The following EIPR1 variants were observed in gnomAD, a reference collection of about 807,000 sequenced individuals.
The protein encoded by EIPR1 is EARP complex and GARP complex interacting protein 1.
EIPR1 carries 25 observed loss-of-function variants against 48.1 expected under a neutral mutation model. The observed-to-expected ratio is 0.52, with a 90% CI of 0.38 to 0.73. The LOEUF (loss-of-function observed/expected upper bound fraction) is 0.73. Among genes scored for constraint, EIPR1 ranks in the 30% least tolerant of loss-of-function variants. EIPR1 has a pLI of 0.00. For synonymous variants in EIPR1, 204 were observed against 201.9 expected (o/e 1.01, Z -0.09); for missense variants, 415 against 506.2 (o/e 0.82, Z 1.73).
intron 2 of EIPR1, among the ~76,000 whole-genome samples, chr2:3,339,863 T>G (rs895563200): frequency 6.6e-6 from 1 of 152,178 alleles, no homozygotes; most frequent in Non-Finnish European, 1.5e-5. Context: ...GGCAGGAGAA[T>G]GGCGTGAACC....
intron 4 of EIPR1, among the ~76,000 whole-genome samples, chr2:3,248,593 C>T (rs374063779): frequency 1.3e-5 from 2 of 151,328 alleles, no homozygotes; most frequent in Non-Finnish European, 2.9e-5. Context: ...GACTCCGTCT[C>T]GAAAAAGAAA....
At chr2:3,345,586 C>T (rs372398165) in intron 2 of EIPR1, among the ~76,000 whole-genome samples, 16 of 150,976 alleles carry the variant, frequency 1.1e-4, no homozygotes, top group East Asian at 9.7e-4. Context: ...GGTCACACCA[C>T]GGCACTCCAG....
At chr2:3,319,430 T>C (rs1419353822) in intron 3 of EIPR1, 1 of 171,260 alleles carries the variant, frequency 5.8e-6, no homozygotes, top group Admixed American at 5.7e-5. Flanking sequence ...GGAGCTGTCA[T>C]TGTCATCATC....
At chr2:3,261,397 C>A (rs1459013046) in intron 3 of EIPR1, among the ~76,000 whole-genome samples, 1 of 152,318 alleles carries the variant, frequency 6.6e-6, no homozygotes, top group Non-Finnish European at 1.5e-5. Flanking sequence ...ATCCCTTACC[C>A]AGATCCAGAT....
chr2:3,344,725 C>T (rs966218279), intron 2 of EIPR1, among the ~76,000 whole-genome samples: 1 of 145,954 alleles, frequency 6.9e-6, no homozygotes, highest in East Asian at 2.1e-4. Context: ...TCACTGCAAC[C>T]TCCACCTCCC....
chr2:3,336,893 G>C (rs1452224173), intron 3 of EIPR1, among the ~76,000 whole-genome samples: 1 of 81,556 alleles, frequency 1.2e-5, no homozygotes, highest in Non-Finnish European at 2.4e-5. Context: ...AAAAGGGAAG[G>C]GAAGGGAAAA....
At chr2:3,265,968 A>C (rs975324045) in intron 3 of EIPR1, among the ~76,000 whole-genome samples, 1 of 152,208 alleles carries the variant, frequency 6.6e-6, no homozygotes, top group Non-Finnish European at 1.5e-5. Context: ...ATTTGAAGCC[A>C]CTACCTACTT....
At chr2:3,320,909 T>C (rs1669506955) in intron 3 of EIPR1, among the ~76,000 whole-genome samples, 1 of 152,232 alleles carries the variant, frequency 6.6e-6, no homozygotes, top group Non-Finnish European at 1.5e-5. Context: ...ACTCTGTTTT[T>C]GTTAGTCTTA....
chr2:3,257,233 C>T, intron 4 of EIPR1, 66 bp downstream of exon 4: 1 of 1,538,854 alleles, frequency 6.5e-7, no homozygotes, highest in Admixed American at 1.9e-5. Context: ...AAGGAATCTG[C>T]ACAAGCTCCT....
At chr2:3,307,229 T>C (rs1196828501) in intron 3 of EIPR1, among the ~76,000 whole-genome samples, 2 of 152,194 alleles carry the variant, frequency 1.3e-5, no homozygotes, top group Non-Finnish European at 2.9e-5. Context: ...CCCAAAGTGC[T>C]GGGATTACAG....
chr2:3,220,229 C>T (rs1193245151), intron 4 of EIPR1, among the ~76,000 whole-genome samples: 1 of 152,228 alleles, frequency 6.6e-6, no homozygotes, highest in East Asian at 1.9e-4. Context: ...GGTATGCACA[C>T]ACACAATGGT....
At chr2:3,358,168 T>C (rs1670773932) in intron 1 of EIPR1, among the ~76,000 whole-genome samples, 1 of 152,198 alleles carries the variant, frequency 6.6e-6, no homozygotes, top group East Asian at 1.9e-4. Flanking sequence ...ACGTGTTCTT[T>C]CTGGTGTTTT....
At chr2:3,288,574 G>A (rs1668276030) in intron 3 of EIPR1, among the ~76,000 whole-genome samples, 1 of 152,190 alleles carries the variant, frequency 6.6e-6, no homozygotes, top group South Asian at 2.1e-4. Flanking sequence ...TGTCACTGTG[G>A]CCCTTACAGG....
rs1664518645 is a variant in EIPR1, at chr2:3,189,340, C to A, written c.1158G>T (p.Leu386=). Residue 386 remains leucine (L), a synonymous_variant, in exon 9 of 9, where the codon CTG becomes CTT. Coordinates refer to ENST00000382125, the MANE Select transcript of EIPR1 (RefSeq NM_003310.5). This position sits in a 1 kb window ranked among gnomAD's most constrained non-coding sequence, Gnocchi z 4.6. ...RVPRALKYHI[L]L ...GATAACCCAGGCCCGGGAGTCATAG[C>A]AGGATGTGGTACTTCAGGGCCCTGG... is the stretch of plus-strand genomic sequence containing the variant. 2 of 1,582,726 alleles carry A rather than the reference C, an allele frequency of 1.3e-6. No individual in the cohort carries two copies. The highest frequency in any genetic ancestry group is 8.6e-7 in the Non-Finnish European group (1 of 1,157,846).
At chr2:3,290,304 A>G (rs557690213) in intron 3 of EIPR1, among the ~76,000 whole-genome samples, 2 of 152,370 alleles carry the variant, frequency 1.3e-5, no homozygotes, top group East Asian at 3.9e-4. Context: ...TGTTATATGA[A>G]GTACACAAAA....
Position 3,323,565 on chromosome 2 carries a change from C to G in EIPR1, c.259+14452G>C, listed in dbSNP as rs148548500. 3.8e-3 allele frequency among the ~76,000 whole-genome samples: 582 copies of G among 152,344 alleles called. 1 individual carries two copies. The highest frequency in any genetic ancestry group is 6.8e-3 in the Middle Eastern group (2 of 294). ...ACGATGGACATGGGCCCTCAGCCAACGTTCGCCGTGTTGTCAGCCTCCATG... is the reference window on the plus strand; with the variant it reads ...ACGATGGACATGGGCCCTCAGCCAAGGTTCGCCGTGTTGTCAGCCTCCATG... On this transcript the variant is annotated intron_variant, in intron 3 of 8. Transcript: ENST00000382125.
rs889379337 is a variant in EIPR1 at position 3,293,676 on chromosome 2, G to A, written c.260-36221C>T. 7.2e-5 allele frequency among the ~76,000 whole-genome samples: 11 copies of A among 152,276 alleles called. No homozygotes were observed. The South Asian group carries it at 8.3e-4, about 11-fold the overall frequency. ...GGGTTTTCAGGAAAGGAATGGTCCC[G>A]ACAGCTGTTGGATGCAGGTGGCCAC... On this transcript the variant is annotated intron_variant, in intron 3 of 8. Coordinates refer to ENST00000382125, the MANE Select transcript of EIPR1 (RefSeq NM_003310.5).
chr2:3,251,226 G>A (rs549080235), intron 4 of EIPR1, among the ~76,000 whole-genome samples: 5 of 152,194 alleles, frequency 3.3e-5, no homozygotes, highest in Non-Finnish European at 7.3e-5. Flanking sequence ...GACTGCGGCC[G>A]TGCCCTCTGT....
intron 1 of EIPR1, among the ~76,000 whole-genome samples, chr2:3,375,768 G>A (rs1435886392): frequency 6.6e-6 from 1 of 152,164 alleles, no homozygotes; most frequent in African/African-American, 2.4e-5. Context: ...CGTAAAACAG[G>A]AACAATAACA....
Sources: gnomAD v4.1 joint callset for allele counts (sites outside exome capture counted in the v4.1 genomes callset) on GRCh38, gnomAD v4.1.1 for gene constraint, Gnocchi (gnomAD v3.1) non-coding constraint, MANE v1.5 for transcripts, NCBI Gene and HGNC (gene_info 2026-07-23, HGNC 2026-07-21) for gene names.